IGFL2: variants seen among roughly 807,000 people sequenced by gnomAD.
The protein encoded by IGFL2 is insulin growth factor-like family member 2.
In IGFL2, 7 loss-of-function variants were observed where a neutral mutation model predicts 13.9. The ratio of observed to expected loss-of-function variants is 0.51; its 90% confidence interval spans 0.29 to 0.95. The LOEUF (loss-of-function observed/expected upper bound fraction) is 0.95, where lower values mean the gene tolerates loss of function less well. Among genes scored for constraint, IGFL2 ranks in the 40% least tolerant of loss-of-function variants. The pLI, the probability that IGFL2 is intolerant of heterozygous loss-of-function variation, is 0.08. For missense variants in IGFL2, 138 were observed against 147.8 expected (o/e 0.93, Z 0.34); for synonymous variants, 55 against 55.8 (o/e 0.99, Z 0.07).
chr19:46,145,624 GTGTGTGTGTGTATT>G (rs1260052669), upstream of IGFL2, among the ~76,000 whole-genome samples: 15 of 125,492 alleles, frequency 1.2e-4, no homozygotes, highest in Non-Finnish European at 2.1e-4. Context: ...GTGTGTGTGT[GTGTGTGTGTGTATT>G]TATTTATTTA....
At chr19:46,148,335 C>A (rs538271102) in intron 1 of IGFL2, 38 bp downstream of exon 1, 2 of 1,521,360 alleles carry the variant, frequency 1.3e-6, no homozygotes, top group South Asian at 2.4e-5. Context: ...CTAATGCCTA[C>A]TGTTATCCCT....
At chr19:46,107,812 C>T in the IGFL2 span, among the ~76,000 whole-genome samples, 1 of 152,086 alleles carries the variant, frequency 6.6e-6, no homozygotes, top group Non-Finnish European at 1.5e-5. Context: ...CCTTCTGGCC[C>T]CTCTGGGTCT....
At chr19:46,120,283 C>T in the IGFL2 span, 156 of 1,609,084 alleles carry the variant, frequency 9.7e-5, 4 homozygotes, top group Middle Eastern at 1.9e-3. Context: ...CCAGCTGCTT[C>T]GTCTCTTCTC....
the IGFL2 span, among the ~76,000 whole-genome samples, chr19:46,101,814 T>G: frequency 2.6e-5 from 4 of 152,228 alleles, no homozygotes; most frequent in African/African-American, 9.6e-5. Context: ...CCTGGTGGTG[T>G]GGGCTCATGA....
chr19:46,214,350 T>A, the IGFL2 span: 1 of 152,134 alleles, frequency 6.6e-6, no homozygotes, highest in Non-Finnish European at 1.5e-5. Flanking sequence ...CCAGGTCGAT[T>A]TAAATGGCAT....
chr19:46,207,348 A>G, the IGFL2 span: 175 of 151,952 alleles, frequency 1.2e-3, no homozygotes, highest in African/African-American at 3.9e-3. Context: ...GATGACTGGC[A>G]TGATACTGAG....
chr19:46,126,323 T>C, the IGFL2 span, among the ~76,000 whole-genome samples: 2 of 152,242 alleles, frequency 1.3e-5, no homozygotes, highest in African/African-American at 4.8e-5. Context: ...TCATTCTCAG[T>C]TCTACCAACA....
chr19:46,207,453 C>T, the IGFL2 span: 7 of 152,028 alleles, frequency 4.6e-5, no homozygotes, highest in Non-Finnish European at 8.8e-5. Context: ...ATGATCTCAG[C>T]TCACTGCAAC....
At chr19:46,158,636 T>C (rs564466044) in intron 1 of IGFL2, among the ~76,000 whole-genome samples, 7 of 152,370 alleles carry the variant, frequency 4.6e-5, no homozygotes, top group Admixed American at 6.5e-5. Flanking sequence ...TTGACACTTG[T>C]ACCTTTTCTT....
At chr19:46,187,757 G>A in the IGFL2 span, among the ~76,000 whole-genome samples, 2 of 128,600 alleles carry the variant, frequency 1.6e-5, no homozygotes, top group Non-Finnish European at 3.4e-5. Context: ...TGTGCTGCTG[G>A]TGCTACCTGA....
At chr19:46,199,750 A>G in the IGFL2 span, among the ~76,000 whole-genome samples, 1 of 152,204 alleles carries the variant, frequency 6.6e-6, no homozygotes, top group African/African-American at 2.4e-5. Flanking sequence ...GAGCCATCCC[A>G]GGAAATGCCT....
At chr19:46,175,830 C>G in the IGFL2 span, among the ~76,000 whole-genome samples, 1 of 143,708 alleles carries the variant, frequency 7.0e-6, no homozygotes, top group African/African-American at 2.6e-5. Context: ...CATGAGCCAC[C>G]GTGCCTGGCA....
At chr19:46,124,362 T>C in the IGFL2 span, 4 of 1,567,808 alleles carry the variant, frequency 2.6e-6, no homozygotes, top group African/African-American at 1.4e-5. Flanking sequence ...GAGCTGAGAA[T>C]GTGACAAGTA....
chr19:46,136,360 C>T, the IGFL2 span, among the ~76,000 whole-genome samples: 1 of 152,054 alleles, frequency 6.6e-6, no homozygotes, highest in African/African-American at 2.4e-5. Context: ...AATTGAAAAT[C>T]TATTAAATAG....
At chr19:46,095,043 C>G in the IGFL2 span, among the ~76,000 whole-genome samples, 12 of 151,998 alleles carry the variant, frequency 7.9e-5, no homozygotes, top group Admixed American at 7.2e-4. Flanking sequence ...GTGTATATAC[C>G]CAGTAATGGG....
the IGFL2 span, among the ~76,000 whole-genome samples, chr19:46,123,297 T>A: frequency 6.6e-6 from 1 of 150,898 alleles, no homozygotes; most frequent in Non-Finnish European, 1.5e-5. Context: ...AGATAGAATT[T>A]AAAATTCATC....
chr19:46,200,494 C>CTTTTCTTTTT, the IGFL2 span, among the ~76,000 whole-genome samples: 1 of 148,984 alleles, frequency 6.7e-6, no homozygotes, highest in African/African-American at 2.5e-5. Flanking sequence ...CTTTTCTTTT[C>CTTTTCTTTTT]TTTTCTTTTC....
At chr19:46,165,545 A>C (rs547120372), downstream of IGFL2, among the ~76,000 whole-genome samples, 7 of 152,290 alleles carry the variant, frequency 4.6e-5, no homozygotes, top group African/African-American at 1.7e-4. Context: ...ATTAACTAGC[A>C]CAGGGCTCCA....
the IGFL2 span, among the ~76,000 whole-genome samples, chr19:46,187,389 C>T: frequency 6.8e-6 from 1 of 146,692 alleles, no homozygotes; most frequent in African/African-American, 2.6e-5. Context: ...GTGTGTGCTA[C>T]CTGATCAGAG....
Sources: gnomAD v4.1 joint callset for allele counts (sites outside exome capture counted in the v4.1 genomes callset) on GRCh38, gnomAD v4.1.1 for gene constraint, MANE v1.5 for transcripts, NCBI Gene and HGNC (gene_info 2026-07-23, HGNC 2026-07-21) for gene names.